The following GABBR2 variants were observed in gnomAD, a reference collection of about 807,000 sequenced individuals.
GABBR2 encodes gamma-aminobutyric acid type B receptor subunit 2.
In GABBR2, 23 loss-of-function variants were observed where a neutral mutation model predicts 105.6. The ratio of observed to expected loss-of-function variants is 0.22; its 90% CI spans 0.16 to 0.31. GABBR2 has a LOEUF of 0.31. Ranked by LOEUF, GABBR2 falls within the 10% of genes least tolerant of loss-of-function variation. The pLI is 1.00. For synonymous variants in GABBR2, 478 were observed against 499.7 expected (o/e 0.96, Z 0.58); for missense variants, 734 against 1,245.5 (o/e 0.59, Z 6.18).
intron 12 of GABBR2, among the ~76,000 whole-genome samples, chr9:98,367,290 T>C (rs1417510243): frequency 1.8e-5 from 2 of 111,670 alleles, no homozygotes; most frequent in Non-Finnish European, 3.5e-5. Context: ...ATCTAGTATA[T>C]ATGTCAGTAA....
chr9:98,644,160 G>A (rs7020492), intron 1 of GABBR2, among the ~76,000 whole-genome samples: 103,951 of 152,180 alleles, frequency 0.68, 36,345 homozygotes, highest in Middle Eastern at 0.82. Context: ...AGGGAAAGAT[G>A]GTGTCTACAC....
Position 98,454,305 on chromosome 9 carries a change from A to T in GABBR2, c.1000-88T>A. 1.1e-6 allele frequency: 1 copy of T among 871,922 alleles called. No homozygotes were observed. The highest frequency in any genetic ancestry group is 1.4e-5 in the South Asian group (1 of 71,500). 54.0% of individuals were successfully genotyped at this position (871,922 alleles called of 1,614,324 possible). A position where few individuals can be genotyped will look rare whatever the true frequency, so the allele number is the denominator to read the frequency against. On this transcript the variant is annotated intron_variant, in intron 6 of 18. Transcript: ENST00000259455. This position sits in a 1 kb window ranked among gnomAD's most constrained non-coding sequence, Gnocchi z 4.6. ...TGCCGAGAAGAGCTGCTATTCTTCA[A>T]TGCCCACAGGGTGCCAGGTACAGTG...
intron 17 of GABBR2, among the ~76,000 whole-genome samples, chr9:98,295,579 C>T (rs773550901): frequency 4.0e-5 from 6 of 151,778 alleles, no homozygotes; most frequent in Non-Finnish European, 8.8e-5. Context: ...AGGAGGAGTG[C>T]CGTGGTGCCA....
chr9:98,648,181 G>T, intron 1 of GABBR2, among the ~76,000 whole-genome samples: 1 of 141,780 alleles, frequency 7.1e-6, no homozygotes, highest in Non-Finnish European at 1.5e-5. Context: ...ACCCAGGCTG[G>T]AGTACAGTGG....
At chr9:98,473,433 T>C in intron 5 of GABBR2, 87 bp from the exon 6 acceptor site, 1 of 806,624 alleles carries the variant, frequency 1.2e-6, no homozygotes, top group African/African-American at 1.7e-5. Flanking sequence ...GAGGAAGGCT[T>C]CCTCTTCCCA....
chr9:98,498,108 G>C (rs1827320761), intron 3 of GABBR2, among the ~76,000 whole-genome samples: 1 of 152,134 alleles, frequency 6.6e-6, no homozygotes, highest in Non-Finnish European at 1.5e-5. Flanking sequence ...AAGACATCAT[G>C]CTACATGAAA....
intron 1 of GABBR2, among the ~76,000 whole-genome samples, chr9:98,688,480 G>C (rs1588284041): frequency 6.6e-6 from 1 of 151,558 alleles, no homozygotes; most frequent in East Asian, 1.9e-4. Flanking sequence ...AATATCTTTT[G>C]GGTTTGGAGT....
intron 3 of GABBR2, among the ~76,000 whole-genome samples, chr9:98,528,763 C>T (rs1280748315): frequency 6.6e-6 from 1 of 152,060 alleles, no homozygotes; most frequent in Non-Finnish European, 1.5e-5. Context: ...ATAGCAATCG[C>T]CAAAAATCAG....
At chr9:98,423,201 T>C (rs1449300232) in intron 7 of GABBR2, among the ~76,000 whole-genome samples, 1 of 152,224 alleles carries the variant, frequency 6.6e-6, no homozygotes, top group Non-Finnish European at 1.5e-5. Context: ...ACTTCCACAA[T>C]GGTTGAACTA....
chr9:98,460,008 T>C (rs1413287270), intron 6 of GABBR2, among the ~76,000 whole-genome samples: 1 of 152,184 alleles, frequency 6.6e-6, no homozygotes, highest in African/African-American at 2.4e-5. Context: ...GTCCAGATAA[T>C]TGTTTTAAAA....
chr9:98,312,625 C>T (rs1168331308), intron 13 of GABBR2, among the ~76,000 whole-genome samples: 1 of 152,228 alleles, frequency 6.6e-6, no homozygotes, highest in African/African-American at 2.4e-5. Flanking sequence ...ATTGATAATT[C>T]TTACCTGAGT....
intron 3 of GABBR2, chr9:98,515,973 G>A (rs899437319): frequency 1.3e-5 from 2 of 152,732 alleles, no homozygotes; most frequent in African/African-American, 4.8e-5. Flanking sequence ...GGAAGAGCTT[G>A]GGTGGTGGCA....
intron 13 of GABBR2, among the ~76,000 whole-genome samples, chr9:98,311,579 G>C (rs769331764): frequency 6.6e-6 from 1 of 152,250 alleles, no homozygotes; most frequent in Admixed American, 6.5e-5. Context: ...AGTTAGGTCA[G>C]GAGGTCTTCA....
chr9:98,320,402 C>G (rs1487643683), intron 13 of GABBR2, among the ~76,000 whole-genome samples: 1 of 151,720 alleles, frequency 6.6e-6, no homozygotes, highest in Non-Finnish European at 1.5e-5. Flanking sequence ...AGTTCAACCA[C>G]TGTGGAAGTC....
rs555750963 is a variant in GABBR2 at position 98,681,493 on chromosome 9, C to T, written c.321+26924G>A. ...GGGAGATATAACTAATGCTAGATGA[C>T]GAGTTGGTGCAGCGTACCAGCATGG... On this transcript the variant is annotated intron_variant, in intron 1 of 18. Transcript: ENST00000259455. 1.1e-4 allele frequency among the ~76,000 whole-genome samples: 16 copies of T among 150,572 alleles called. 1 individual carries two copies. In the South Asian group the frequency reaches 2.1e-3, roughly 20 times the overall value.
Position 98,646,235 on chromosome 9 carries a change from C to T in GABBR2, c.321+62182G>A, listed in dbSNP as rs139668339. On this transcript the variant is annotated intron_variant, in intron 1 of 18. Transcript: ENST00000259455. ...AGACAATATGGTTCCTACTAAACAC[C>T]TGCTTTCCTTCTGGGAGTGTGGAAT... 9.8e-5 allele frequency among the ~76,000 whole-genome samples: 15 copies of T among 152,314 alleles called. No homozygotes were observed. In the East Asian group the frequency reaches 2.1e-3, roughly 22 times the overall value.
chr9:98,658,685 G>A (rs999153463), intron 1 of GABBR2, among the ~76,000 whole-genome samples: 1 of 152,188 alleles, frequency 6.6e-6, no homozygotes, highest in African/African-American at 2.4e-5. Context: ...CTAGGGCAGT[G>A]TGTGCAGAGC....
rs377453872 is a variant in GABBR2 at position 98,356,594 on chromosome 9, C to T, written c.1893+6121G>A. ...AAAACGGTATAGTCACTTTGGAAGA[C>T]GGTTTGGTAGTTTCTTACAAAACTA... is the stretch of plus-strand genomic sequence containing the variant. On this transcript the variant is annotated intron_variant, in intron 13 of 18. Transcript: ENST00000259455. Among the ~76,000 whole-genome samples, 26 of 152,304 alleles carry T rather than the reference C, an allele frequency of 1.7e-4. No homozygotes were observed. In the South Asian group the frequency reaches 2.9e-3, roughly 17 times the overall value.
At chr9:98,380,792 TCA>T (rs1046187861) in intron 11 of GABBR2, among the ~76,000 whole-genome samples, 19 of 152,192 alleles carry the variant, frequency 1.2e-4, no homozygotes, top group African/African-American at 4.3e-4. Context: ...GTGCACGCAC[TCA>T]CACACGCACC....
Sources: gnomAD v4.1 joint callset for allele counts (sites outside exome capture counted in the v4.1 genomes callset) on GRCh38, gnomAD v4.1.1 for gene constraint, Gnocchi (gnomAD v3.1) non-coding constraint, MANE v1.5 for transcripts, NCBI Gene and HGNC (gene_info 2026-07-23, HGNC 2026-07-21) for gene names.